Variants in MYO1B observed in about 807,000 individuals in gnomAD.
MYO1B encodes the protein myosin IB, also known as unconventional myosin-Ib.
A neutral mutation model predicts 159.7 loss-of-function variants in MYO1B; 72 were observed. That is an observed-to-expected ratio of 0.45 (90% CI 0.37 to 0.55). The LOEUF (loss-of-function observed/expected upper bound fraction) is 0.55. MYO1B is among the 20% of genes least tolerant of loss of function. The probability of loss-of-function intolerance (pLI) is 0.00; values close to 1 mark genes in which losing one functional copy is unlikely to be tolerated. For synonymous variants in MYO1B, 468 were observed against 473.8 expected, an observed-to-expected ratio of 0.99 and a Z score of 0.16; for missense variants, 1,062 against 1,364.8, an observed-to-expected ratio of 0.78 and a Z score of 3.50.
rs571797959 is a variant in MYO1B, at chr2:191,318,634, C to T, written c.252-11301C>T. 5.9e-5 allele frequency among the ~76,000 whole-genome samples: 9 copies of T among 152,230 alleles called. No homozygotes were observed. In the South Asian group the frequency reaches 1.9e-3, roughly 32 times the overall value. On this transcript the variant is annotated intron_variant, in intron 3 of 30. Transcript: ENST00000392318. ...CCTGCAGATACGTAGTAATAAATACCAACTTCCTGCTTGCAGATCCAAGTG... is the reference window on the plus strand; with the variant it reads ...CCTGCAGATACGTAGTAATAAATACTAACTTCCTGCTTGCAGATCCAAGTG...
chr2:191,357,237 T>C (rs888836912), intron 7 of MYO1B, among the ~76,000 whole-genome samples: 2 of 152,232 alleles, frequency 1.3e-5, no homozygotes, highest in Non-Finnish European at 2.9e-5. Context: ...GACTATTTCT[T>C]TCACACCTTG....
chr2:191,359,887 T>C (rs1029561989), intron 7 of MYO1B, among the ~76,000 whole-genome samples: 2 of 152,206 alleles, frequency 1.3e-5, no homozygotes, highest in African/African-American at 4.8e-5. Context: ...CATCCCTCCC[T>C]TCCTTCCTCC....
chr2:191,306,910 C>T (rs12994212), intron 3 of MYO1B, among the ~76,000 whole-genome samples: 54,290 of 151,932 alleles, frequency 0.36, 10,167 homozygotes, highest in Middle Eastern at 0.52. Context: ...ACATTTTTCC[C>T]CCAGCACCAA....
At chr2:191,361,838 A>C (rs1231245245) in intron 8 of MYO1B, among the ~76,000 whole-genome samples, 1 of 152,022 alleles carries the variant, frequency 6.6e-6, no homozygotes, top group East Asian at 1.9e-4. Flanking sequence ...ATATGAATCC[A>C]AAAACCAATT....
chr2:191,365,123 G>A (rs569471248), intron 11 of MYO1B, among the ~76,000 whole-genome samples: 5 of 152,288 alleles, frequency 3.3e-5, no homozygotes, highest in East Asian at 3.9e-4. Flanking sequence ...GCCTGTATAC[G>A]TGCATGTATA....
chr2:191,387,747 G>A, intron 17 of MYO1B: 1 of 390,690 alleles, frequency 2.6e-6, no homozygotes. Flanking sequence ...TTTTTTAATG[G>A]CAAGTTAAAA....
rs529080256 is a variant in MYO1B, at chr2:191,326,028, A to G, written c.252-3907A>G. ...TATTCTTAGAGCTCAACTAGAGGACAGAAGAAGAGGATAAAACCATGCCCT... is the reference window on the plus strand; with the variant it reads ...TATTCTTAGAGCTCAACTAGAGGACGGAAGAAGAGGATAAAACCATGCCCT... On this transcript the variant is annotated intron_variant, in intron 3 of 30. Coordinates refer to ENST00000392318, the MANE Select transcript of MYO1B (RefSeq NM_001130158.3). 3.3e-5 allele frequency among the ~76,000 whole-genome samples: 5 copies of G among 152,332 alleles called. No individual in the cohort carries two copies. In the South Asian group the frequency reaches 1.0e-3, roughly 32 times the overall value.
intron 6 of MYO1B, among the ~76,000 whole-genome samples, chr2:191,349,222 T>C (rs1692762573): frequency 6.6e-6 from 1 of 152,172 alleles, no homozygotes; most frequent in African/African-American, 2.4e-5. Flanking sequence ...CATATCCTTA[T>C]GAATAAGTGC....
Position 191,286,173 on chromosome 2 carries a change from C to T in MYO1B, c.135+9143C>T, listed in dbSNP as rs1370662434. On this transcript the variant is annotated intron_variant, in intron 2 of 30. Coordinates refer to ENST00000392318, the MANE Select transcript of MYO1B (RefSeq NM_001130158.3). ...ATCACAAATATGTTTCTGAGACTGGCGACATGAGATGCATACACTGAATTA... is the reference window on the plus strand; with the variant it reads ...ATCACAAATATGTTTCTGAGACTGGTGACATGAGATGCATACACTGAATTA... Among the ~76,000 whole-genome samples the T allele has an allele frequency of 3.9e-5, 6 of 152,022 alleles. 1 individual carries two copies. Among genetic ancestry groups the T allele is most frequent in the African/African-American group, 9.7e-5 (4 of 41,360 alleles).
At chr2:191,402,571 C>G (rs1696678145) in intron 23 of MYO1B, 61 bp from the exon 24 acceptor site, 7 of 1,404,356 alleles carry the variant, frequency 5.0e-6, no homozygotes, top group Middle Eastern at 1.7e-4. Context: ...ATATCTTTTT[C>G]TGGTCATTTG....
intron 14 of MYO1B, among the ~76,000 whole-genome samples, chr2:191,382,638 A>T (rs1171258051): frequency 6.6e-6 from 1 of 152,240 alleles, no homozygotes; most frequent in Non-Finnish European, 1.5e-5. Context: ...GAAGACAAAT[A>T]AATGTTTACA....
chr2:191,258,763 G>A (rs910533474), intron 1 of MYO1B, among the ~76,000 whole-genome samples: 3 of 152,146 alleles, frequency 2.0e-5, no homozygotes, highest in Non-Finnish European at 2.9e-5. Flanking sequence ...GTTTAGCCTA[G>A]GCATGCCAAG....
chr2:191,279,679 A>G (rs552730053), intron 2 of MYO1B, among the ~76,000 whole-genome samples: 1 of 152,274 alleles, frequency 6.6e-6, no homozygotes, highest in African/African-American at 2.4e-5. Flanking sequence ...CTTGATGCCC[A>G]AGGCTAAGTT....
chr2:191,289,507 A>G (rs1040019782), intron 2 of MYO1B, among the ~76,000 whole-genome samples: 1 of 152,222 alleles, frequency 6.6e-6, no homozygotes, highest in African/African-American at 2.4e-5. Flanking sequence ...CCAGCTGTTC[A>G]ATAGGTTGAG....
intron 8 of MYO1B, 71 bp from the exon 9 acceptor site, chr2:191,362,197 T>C (rs1277036939): frequency 2.5e-6 from 3 of 1,178,444 alleles, no homozygotes; most frequent in Admixed American, 1.8e-5. Flanking sequence ...GAACAAGATA[T>C]CAAAGGGAAT....
At chr2:191,360,512 T>G in intron 7 of MYO1B, 119 bp from the exon 8 acceptor site, 1 of 638,926 alleles carries the variant, frequency 1.6e-6, no homozygotes, top group Non-Finnish European at 2.7e-6. Context: ...TACAGCTTCC[T>G]TTATTATTTC....
At chr2:191,415,880 A>C (rs1697532379) in intron 29 of MYO1B, among the ~76,000 whole-genome samples, 1 of 152,190 alleles carries the variant, frequency 6.6e-6, no homozygotes. Context: ...AGTGATGCAC[A>C]TGGTGCTTCT....
At chr2:191,299,015 C>G (rs2125822355) in intron 3 of MYO1B, among the ~76,000 whole-genome samples, 1 of 152,258 alleles carries the variant, frequency 6.6e-6, no homozygotes, top group South Asian at 2.1e-4. Context: ...CTCAGTTTAC[C>G]CCCAGCAATT....
chr2:191,374,872 A>G (rs1694601257), intron 13 of MYO1B, among the ~76,000 whole-genome samples: 1 of 152,234 alleles, frequency 6.6e-6, no homozygotes, highest in Non-Finnish European at 1.5e-5. Context: ...TTTCTGAGAA[A>G]TATTTATAGC....
Sources: gnomAD v4.1 joint callset for allele counts (sites outside exome capture counted in the v4.1 genomes callset) on GRCh38, gnomAD v4.1.1 for gene constraint, MANE v1.5 for transcripts, NCBI Gene and HGNC (gene_info 2026-07-23, HGNC 2026-07-21) for gene names.